The following PRKDC variants were observed in gnomAD, a reference collection of about 807,000 sequenced individuals.
PRKDC encodes the protein protein kinase, DNA-activated, catalytic subunit.
In PRKDC, 82 loss-of-function variants were observed where a neutral mutation model predicts 486.9. That is an observed-to-expected ratio of 0.17 (90% CI 0.14 to 0.20). The LOEUF (loss-of-function observed/expected upper bound fraction) is 0.20, where lower values mean the gene tolerates loss of function less well. PRKDC is among the 10% of genes least tolerant of loss of function. The pLI is 1.00. For missense variants in PRKDC, 4,504 were observed against 5,038.2 expected (o/e 0.89, Z 3.21); for synonymous variants, 1,895 against 1,837.0 (o/e 1.03, Z -0.81).
At chr8:47,807,733 T>C (rs907164113) in intron 68 of PRKDC, among the ~76,000 whole-genome samples, 1 of 151,870 alleles carries the variant, frequency 6.6e-6, no homozygotes, top group Non-Finnish European at 1.5e-5. Context: ...ATTTTTTTTT[T>C]GAGATGGAGT....
chr8:47,908,856 T>C (rs2089842478), intron 25 of PRKDC, among the ~76,000 whole-genome samples: 1 of 152,252 alleles, frequency 6.6e-6, no homozygotes, highest in African/African-American at 2.4e-5. Context: ...TAGTTCGTTT[T>C]TCCTTCTAAA....
intron 21 of PRKDC, among the ~76,000 whole-genome samples, chr8:47,920,761 C>T (rs4873768): frequency 1.3e-5 from 2 of 152,240 alleles, no homozygotes; most frequent in African/African-American, 4.8e-5. Context: ...GTTATTCCGG[C>T]TAATAAGCTA....
At chr8:47,885,669 G>T (rs2154501656) in intron 36 of PRKDC, among the ~76,000 whole-genome samples, 1 of 152,046 alleles carries the variant, frequency 6.6e-6, no homozygotes, top group Non-Finnish European at 1.5e-5. Flanking sequence ...AAACTGGGCG[G>T]ATCACGAGGT....
intron 76 of PRKDC, among the ~76,000 whole-genome samples, chr8:47,786,671 A>C (rs2154497683): frequency 6.6e-6 from 1 of 150,886 alleles, no homozygotes; most frequent in Non-Finnish European, 1.5e-5. Flanking sequence ...CTTTATTAAG[A>C]GTCTTTCAAG....
chr8:47,933,712 A>C (rs2090298141), intron 15 of PRKDC, among the ~76,000 whole-genome samples: 1 of 152,232 alleles, frequency 6.6e-6, no homozygotes, highest in Admixed American at 6.5e-5. Flanking sequence ...CTGCTATTTA[A>C]AGCTAAAATG....
chr8:47,783,894 A>C, intron 77 of PRKDC, 85 bp from the exon 78 acceptor site: 1 of 1,326,140 alleles, frequency 7.5e-7, no homozygotes. Context: ...CTACTTTTTA[A>C]AAAGCCAATC....
intron 58 of PRKDC, 45 bp from the exon 59 acceptor site, chr8:47,834,441 C>A: frequency 6.3e-7 from 1 of 1,598,304 alleles, no homozygotes; most frequent in Admixed American, 1.7e-5. Context: ...CATCACCCAG[C>A]TCTGTGCACG....
intron 16 of PRKDC, among the ~76,000 whole-genome samples, chr8:47,931,604 C>T (rs2090255286): frequency 6.6e-6 from 1 of 152,082 alleles, no homozygotes; most frequent in African/African-American, 2.4e-5. Flanking sequence ...ACAGAATACT[C>T]CAAGTGCAAT....
chr8:47,922,704 C>T (rs546514924), intron 21 of PRKDC, among the ~76,000 whole-genome samples: 2 of 152,084 alleles, frequency 1.3e-5, no homozygotes, highest in Non-Finnish European at 2.9e-5. Context: ...TTAGGACTGA[C>T]CCCATAAATC....
chr8:47,920,606 C>A (rs1589793480), intron 21 of PRKDC, among the ~76,000 whole-genome samples: 1 of 152,230 alleles, frequency 6.6e-6, no homozygotes, highest in African/African-American at 2.4e-5. Flanking sequence ...AATTTGGGAT[C>A]ATTTAGGAAT....
chr8:47,896,684 C>G (rs2089589339), intron 30 of PRKDC, among the ~76,000 whole-genome samples: 2 of 151,892 alleles, frequency 1.3e-5, no homozygotes, highest in Admixed American at 6.6e-5. Flanking sequence ...CAACTTTTGC[C>G]AAGGAACCAG....
At chr8:47,844,860 CCTA>C (rs2088232154) in intron 54 of PRKDC, among the ~76,000 whole-genome samples, 1 of 152,010 alleles carries the variant, frequency 6.6e-6, no homozygotes, top group Admixed American at 6.6e-5. Flanking sequence ...ACACTAAATG[CCTA>C]CATCAAAATG....
intron 68 of PRKDC, among the ~76,000 whole-genome samples, chr8:47,813,110 T>TA (rs2087369956): frequency 6.8e-6 from 1 of 147,598 alleles, no homozygotes; most frequent in Non-Finnish European, 1.5e-5. Flanking sequence ...TTTATTTATT[T>TA]ATTTATTTAT....
chr8:47,863,436 T>C lies in PRKDC; in HGVS notation c.5713A>G (p.Ile1905Val). Residue 1905 changes from isoleucine to valine, a missense_variant, in exon 42 of 86, where the codon ATT (isoleucine) becomes GTT (valine). Ile to Val is a conservative substitution (Grantham distance 29). Coordinates refer to ENST00000314191, the MANE Select transcript of PRKDC (RefSeq NM_006904.7). ...KINQVFHGSC[I>V]TEGNELTKTL... is the part of the protein sequence containing the mutation. ...TTTGTAAGTTCATTTCCTTCTGTAA[T>C]ACACGAGCCATGGAAAACTTGATTA... is the stretch of plus-strand genomic sequence containing the variant. The C allele has an allele frequency of 1.2e-6, 2 of 1,611,524 alleles. No individual in the cohort carries two copies. The highest frequency in any genetic ancestry group is 1.1e-5 in the South Asian group (1 of 90,290).
intron 49 of PRKDC, among the ~76,000 whole-genome samples, chr8:47,856,207 G>C (rs982984819): frequency 6.6e-6 from 1 of 152,032 alleles, no homozygotes; most frequent in African/African-American, 2.4e-5. Flanking sequence ...AAAGCTCCAC[G>C]TATTTTTTTG....
chr8:47,794,286 C>G lies in PRKDC; in HGVS notation c.10670+4G>C. 4 of 1,605,068 alleles carry G rather than the reference C, an allele frequency of 2.5e-6. No individual in the cohort carries two copies. The highest frequency in any genetic ancestry group is 3.4e-6 in the Non-Finnish European group (4 of 1,173,584). On this transcript the variant is annotated splice_donor_region_variant and intron_variant, in intron 74 of 85. Coordinates refer to ENST00000314191, the MANE Select transcript of PRKDC (RefSeq NM_006904.7). ...CAACCTATTCCTTCTGTAATATTAC[C>G]TACCTTGCCACAAACTCCTTATTCT...
rs374612509 is a variant in PRKDC, at chr8:47,877,861, A to G, written c.5236-10T>C. 2.7e-5 allele frequency: 39 copies of G among 1,440,884 alleles called. No individual in the cohort carries two copies. The African/African-American group carries it at 5.3e-4, about 20-fold the overall frequency. 89.3% of individuals were successfully genotyped at this position (1,440,884 alleles called of 1,614,324 possible). A position where few individuals can be genotyped will look rare whatever the true frequency, so the allele number is the denominator to read the frequency against. On this transcript the variant is annotated splice_polypyrimidine_tract_variant and intron_variant, in intron 39 of 85. Coordinates refer to ENST00000314191, the MANE Select transcript of PRKDC (RefSeq NM_006904.7). ...CCAATGCATCTAGAAACTAGAAAAA[A>G]TACATCAACATCATTAAAATTTTGT...
At chr8:47,930,255 T>G (rs527764060) in intron 17 of PRKDC, among the ~76,000 whole-genome samples, 80 of 152,272 alleles carry the variant, frequency 5.3e-4, no homozygotes, top group Non-Finnish European at 1.0e-3. Context: ...CGATTACAGA[T>G]TTTGTCTTTT....
intron 7 of PRKDC, among the ~76,000 whole-genome samples, chr8:47,952,356 C>T (rs944776217): frequency 6.6e-6 from 1 of 152,148 alleles, no homozygotes; most frequent in Non-Finnish European, 1.5e-5. Flanking sequence ...GTGAAATAAG[C>T]CACACAGGAA....
Sources: gnomAD v4.1 joint callset for allele counts (sites outside exome capture counted in the v4.1 genomes callset) on GRCh38, gnomAD v4.1.1 for gene constraint, MANE v1.5 for transcripts, NCBI Gene and HGNC (gene_info 2026-07-23, HGNC 2026-07-21) for gene names.